TRPC7: variants seen among roughly 807,000 people sequenced by gnomAD.
TRPC7 encodes the protein transient receptor potential cation channel subfamily C member 7.
A neutral mutation model predicts 90.1 loss-of-function variants in TRPC7; 42 were observed. The observed-to-expected ratio is 0.47, with a 90% confidence interval of 0.36 to 0.60. TRPC7 has a LOEUF of 0.60. Ranked by LOEUF, TRPC7 falls within the 20% of genes least tolerant of loss-of-function variation. TRPC7 has a pLI of 0.00. For synonymous variants in TRPC7, 451 were observed against 436.3 expected, an observed-to-expected ratio of 1.03 and a Z score of -0.42; for missense variants, 955 against 1,112.3, an observed-to-expected ratio of 0.86 and a Z score of 2.01.
intron 7 of TRPC7, among the ~76,000 whole-genome samples, chr5:136,242,710 C>T (rs1170063804): frequency 3.9e-5 from 6 of 152,174 alleles, no homozygotes; most frequent in Admixed American, 3.3e-4. Context: ...ATTTCTCATA[C>T]TGTGATCCTA....
At chr5:136,301,573 C>A (rs1758389950) in intron 3 of TRPC7, among the ~76,000 whole-genome samples, 1 of 152,116 alleles carries the variant, frequency 6.6e-6, no homozygotes, top group Non-Finnish European at 1.5e-5. Context: ...TAAGAAGGTA[C>A]TTTGTAATCT....
intron 3 of TRPC7, among the ~76,000 whole-genome samples, chr5:136,311,721 G>A (rs867470085): frequency 6.6e-6 from 1 of 152,248 alleles, no homozygotes; most frequent in African/African-American, 2.4e-5. Flanking sequence ...CAGAGCATAA[G>A]CAGAGTCCTT....
intron 7 of TRPC7, among the ~76,000 whole-genome samples, chr5:136,240,381 C>T (rs1756122300): frequency 6.6e-6 from 1 of 152,194 alleles, no homozygotes; most frequent in Non-Finnish European, 1.5e-5. Context: ...TTCCTAGGAA[C>T]AGAATTGTCT....
rs201280628 is a variant in TRPC7 at position 136,251,651 on chromosome 5, T to C, written c.1577A>G (p.Tyr526Cys). ...SLPPEVAYFT[Y>C]ARDKWWPSDP... Reference sequence around the variant, plus strand: ...AGGGGAAGCACTCTCCGACTCACCGTAGGTGAAGTATGCCACTTCCGGCGG... The same window carrying C: ...AGGGGAAGCACTCTCCGACTCACCGCAGGTGAAGTATGCCACTTCCGGCGG... Residue 526 changes from tyrosine to cysteine, a missense_variant and splice_region_variant, in exon 6 of 12, where the codon TAC becomes TGC. Transcript: ENST00000513104. 1,893 of 1,602,104 alleles carry C rather than the reference T, an allele frequency of 1.2e-3. 3 individuals carry two copies. The highest frequency in any genetic ancestry group is 1.5e-3 in the Non-Finnish European group (1,780 of 1,171,712).
At chr5:136,244,798 A>G (rs1756282847) in intron 7 of TRPC7, among the ~76,000 whole-genome samples, 1 of 152,216 alleles carries the variant, frequency 6.6e-6, no homozygotes, top group South Asian at 2.1e-4. Context: ...GTTAATCACT[A>G]AGTATTGGAG....
At chr5:136,279,497 C>G (rs1465521748) in intron 3 of TRPC7, among the ~76,000 whole-genome samples, 1 of 152,148 alleles carries the variant, frequency 6.6e-6, no homozygotes, top group Non-Finnish European at 1.5e-5. Flanking sequence ...GAAGTCCTCT[C>G]AGAGCAGAGA....
At chr5:136,289,053 CT>C (rs1437762486) in intron 3 of TRPC7, among the ~76,000 whole-genome samples, 1 of 152,190 alleles carries the variant, frequency 6.6e-6, no homozygotes, top group Non-Finnish European at 1.5e-5. Context: ...TTAACATCTC[CT>C]TTTCACCTTT....
chr5:136,290,913 G>A (rs558729094), intron 3 of TRPC7, among the ~76,000 whole-genome samples: 10 of 152,308 alleles, frequency 6.6e-5, no homozygotes, highest in African/African-American at 2.2e-4. Flanking sequence ...TACCCACAAA[G>A]GAAAGCCCAT....
At chr5:136,358,619 A>C (rs1408677745) in intron 1 of TRPC7, among the ~76,000 whole-genome samples, 1 of 152,180 alleles carries the variant, frequency 6.6e-6, no homozygotes. Context: ...AACTAGAGAC[A>C]ATAACAGCTA....
At chr5:136,278,791 T>A (rs536878614) in intron 3 of TRPC7, among the ~76,000 whole-genome samples, 2 of 152,144 alleles carry the variant, frequency 1.3e-5, no homozygotes, top group Non-Finnish European at 2.9e-5. Context: ...CAGCACTGCC[T>A]TCAAAATTTC....
intron 10 of TRPC7, among the ~76,000 whole-genome samples, chr5:136,217,928 G>T (rs1262405413): frequency 1.3e-5 from 2 of 150,618 alleles, no homozygotes; most frequent in African/African-American, 4.9e-5. Context: ...GAGGCAGAGA[G>T]CATTGCTTGA....
chr5:136,240,552 G>A (rs1173502578), intron 7 of TRPC7, among the ~76,000 whole-genome samples: 1 of 152,196 alleles, frequency 6.6e-6, no homozygotes, highest in Admixed American at 6.5e-5. Context: ...GAATCAGCAG[G>A]TTCTCAATGG....
At chr5:136,276,056 A>T (rs1489651831) in intron 3 of TRPC7, among the ~76,000 whole-genome samples, 1 of 152,178 alleles carries the variant, frequency 6.6e-6, no homozygotes, top group Non-Finnish European at 1.5e-5. Context: ...TGCTACCAGA[A>T]CATCCCTTTT....
intron 2 of TRPC7, among the ~76,000 whole-genome samples, chr5:136,354,285 C>T (rs1203164831): frequency 1.3e-5 from 2 of 152,138 alleles, no homozygotes; most frequent in Non-Finnish European, 2.9e-5. Flanking sequence ...AGGCTATATT[C>T]CTTAAGACTT....
chr5:136,259,124 G>A (rs185942658), intron 5 of TRPC7, among the ~76,000 whole-genome samples: 10 of 152,224 alleles, frequency 6.6e-5, no homozygotes, highest in African/African-American at 2.4e-4. Flanking sequence ...TACCTTCTAG[G>A]TGCCAGGCCC....
At chr5:136,229,712 T>G (rs1213735320) in intron 8 of TRPC7, among the ~76,000 whole-genome samples, 1 of 152,202 alleles carries the variant, frequency 6.6e-6, no homozygotes, top group African/African-American at 2.4e-5. Flanking sequence ...AGCCACACAG[T>G]CTGTGGTATT....
At chr5:136,311,186 G>A (rs539429390) in intron 3 of TRPC7, among the ~76,000 whole-genome samples, 1 of 152,078 alleles carries the variant, frequency 6.6e-6, no homozygotes, top group Non-Finnish European at 1.5e-5. Context: ...TGCAGTGACT[G>A]GGAGATCCCA....
chr5:136,267,500 T>C (rs1757071912), intron 4 of TRPC7, among the ~76,000 whole-genome samples: 3 of 152,196 alleles, frequency 2.0e-5, no homozygotes, highest in African/African-American at 7.2e-5. Context: ...TCAGGAGTCC[T>C]AGAGTGAAAT....
chr5:136,301,601 G>C (rs889576857), intron 3 of TRPC7, among the ~76,000 whole-genome samples: 1 of 152,018 alleles, frequency 6.6e-6, no homozygotes, highest in African/African-American at 2.4e-5. Flanking sequence ...TCTTAAGAAG[G>C]TTCTTTGTAA....
Sources: allele counts gnomAD v4.1 joint callset (sites outside exome capture counted in the v4.1 genomes callset), GRCh38; gene constraint gnomAD v4.1.1; transcripts MANE v1.5; gene names NCBI Gene and HGNC (gene_info 2026-07-23, HGNC 2026-07-21).